The following ROR1 variants were observed in gnomAD, a reference collection of about 807,000 sequenced individuals.
ROR1 encodes the protein inactive tyrosine-protein kinase transmembrane receptor ROR1.
Under a neutral mutation model 78.8 loss-of-function variants are expected in ROR1, and 19 were observed. The observed-to-expected ratio is 0.24, with a 90% CI of 0.17 to 0.35. The LOEUF is 0.35. Among genes scored for constraint, ROR1 ranks in the 10% least tolerant of loss-of-function variants. The pLI is 1.00. For synonymous variants in ROR1, 386 were observed against 433.6 expected (o/e 0.89, Z 1.36); for missense variants, 917 against 1,177.8 (o/e 0.78, Z 3.24).
chr1:63,798,405 C>T (rs1023204933), intron 1 of ROR1, among the ~76,000 whole-genome samples: 1 of 152,098 alleles, frequency 6.6e-6, no homozygotes, highest in African/African-American at 2.4e-5. Context: ...CTGTGAGGAA[C>T]AAGTCAGTGG....
chr1:63,797,897 C>T (rs1462970885), intron 1 of ROR1, among the ~76,000 whole-genome samples: 1 of 148,354 alleles, frequency 6.7e-6, no homozygotes, highest in Non-Finnish European at 1.5e-5. Context: ...TTCAGGATAA[C>T]CTTTGAGAGG....
rs556870255 is a variant in ROR1, at chr1:63,997,056, G to C, written c.92-12249G>C. ...CTAAATACAAGGTACTTGTATTACT[G>C]TAAGGTGCTTGGAATCTTAATAGCT... On this transcript the variant is annotated intron_variant, in intron 1 of 8. Coordinates refer to ENST00000371079, the MANE Select transcript of ROR1 (RefSeq NM_005012.4). Among the ~76,000 whole-genome samples the C allele has an allele frequency of 3.9e-5, 3 of 76,056 alleles. 1 individual carries two copies. The highest frequency in any genetic ancestry group is 6.2e-4 in the South Asian group (1 of 1,620). 49.9% of individuals were successfully genotyped at this position (76,056 alleles called of 152,430 possible).
At chr1:63,894,429 G>T (rs1175186711) in intron 1 of ROR1, among the ~76,000 whole-genome samples, 1 of 148,680 alleles carries the variant, frequency 6.7e-6, no homozygotes, top group Non-Finnish European at 1.5e-5. Flanking sequence ...AAATGCCATT[G>T]CATTGATCTC....
At position 63,999,183 on chromosome 1, in the gene ROR1, G is replaced by T. The variant is rs143230620; in HGVS notation, c.92-10122G>T. On this transcript the variant is annotated intron_variant, in intron 1 of 8. Transcript: ENST00000371079. ...ACTAAAACTGAGGGAGGCATTCTCT[G>T]TTTCCAATAGAAGGCTCCTTTGAGT... Among the ~76,000 whole-genome samples the T allele has an allele frequency of 2.4e-4, 37 of 152,308 alleles. No individual in the cohort carries two copies. In the East Asian group the frequency reaches 6.8e-3, roughly 28 times the overall value.
At chr1:63,884,813 G>T (rs865856802) in intron 1 of ROR1, among the ~76,000 whole-genome samples, 1 of 151,638 alleles carries the variant, frequency 6.6e-6, no homozygotes, top group African/African-American at 2.4e-5. Flanking sequence ...CGGGAAAAGT[G>T]CCTGACTTGT....
intron 1 of ROR1, among the ~76,000 whole-genome samples, chr1:63,832,417 A>C (rs1478398757): frequency 3.3e-5 from 5 of 152,152 alleles, no homozygotes; most frequent in African/African-American, 1.2e-4. Flanking sequence ...ATGGGTGGGG[A>C]GGCCTCAGGA....
At chr1:64,127,513 T>C (rs1475784010) in intron 4 of ROR1, among the ~76,000 whole-genome samples, 2 of 151,920 alleles carry the variant, frequency 1.3e-5, no homozygotes, top group South Asian at 2.1e-4. Context: ...TCTGTCTCTC[T>C]CTCTCTCTGT....
intron 1 of ROR1, among the ~76,000 whole-genome samples, chr1:63,969,031 C>G (rs1190081270): frequency 6.6e-6 from 1 of 152,208 alleles, no homozygotes; most frequent in Non-Finnish European, 1.5e-5. Flanking sequence ...CCTGGATTCT[C>G]TAAGCCTGCA....
chr1:64,002,090 C>A (rs285382), intron 1 of ROR1, among the ~76,000 whole-genome samples: 105,259 of 150,194 alleles, frequency 0.7, 39,339 homozygotes, highest in East Asian at 0.94. Context: ...CCTCTCCCAC[C>A]AGACTGTAAG....
chr1:63,862,128 C>T (rs1645185777), intron 1 of ROR1, among the ~76,000 whole-genome samples: 1 of 152,112 alleles, frequency 6.6e-6, no homozygotes, highest in South Asian at 2.1e-4. Flanking sequence ...TGCAGTGGCT[C>T]ATGCCTGTAA....
intron 4 of ROR1, among the ~76,000 whole-genome samples, chr1:64,052,111 T>A (rs1646837874): frequency 6.6e-6 from 1 of 151,940 alleles, no homozygotes; most frequent in African/African-American, 2.4e-5. Context: ...CTTGCCCAGG[T>A]AGAAAATGCT....
rs150694844 is a variant in ROR1 at position 64,085,111 on chromosome 1, C to G, written c.482+34395C>G. 7.9e-5 allele frequency among the ~76,000 whole-genome samples: 12 copies of G among 152,274 alleles called. No individual in the cohort carries two copies. The East Asian group carries it at 2.3e-3, about 29-fold the overall frequency. ...CATTTTGCTGAAGTTTTACAAACCT[C>G]ATAAAAATTAAGGGTTGGTTTGAAT... On this transcript the variant is annotated intron_variant, in intron 4 of 8. Coordinates refer to ENST00000371079, the MANE Select transcript of ROR1 (RefSeq NM_005012.4).
At chr1:64,051,902 G>A (rs1646836303) in intron 4 of ROR1, among the ~76,000 whole-genome samples, 1 of 152,222 alleles carries the variant, frequency 6.6e-6, no homozygotes, top group East Asian at 1.9e-4. Context: ...TCCCCTCTGT[G>A]CCACTTAATT....
chr1:63,819,614 T>C (rs191854192), intron 1 of ROR1, among the ~76,000 whole-genome samples: 10 of 152,218 alleles, frequency 6.6e-5, no homozygotes, highest in African/African-American at 2.4e-4. Flanking sequence ...ATGGCATAGA[T>C]AGGAATTGCT....
intron 4 of ROR1, among the ~76,000 whole-genome samples, chr1:64,105,148 G>A (rs575290596): frequency 1.6e-4 from 25 of 152,062 alleles, no homozygotes; most frequent in African/African-American, 5.1e-4. Flanking sequence ...TTTAATAATC[G>A]CCATTCTGAC....
intron 2 of ROR1, among the ~76,000 whole-genome samples, chr1:64,038,635 A>G (rs1460934506): frequency 6.6e-6 from 1 of 152,118 alleles, no homozygotes; most frequent in African/African-American, 2.4e-5. Flanking sequence ...AGGGTTCTTT[A>G]CCACCCTGAA....
chr1:63,806,602 C>T (rs1219361052), intron 1 of ROR1, among the ~76,000 whole-genome samples: 1 of 152,208 alleles, frequency 6.6e-6, no homozygotes, highest in Non-Finnish European at 1.5e-5. Flanking sequence ...CAGGCGTGAG[C>T]CACCGCGCCT....
intron 1 of ROR1, among the ~76,000 whole-genome samples, chr1:63,810,288 C>T (rs558727581): frequency 3.9e-5 from 6 of 152,320 alleles, no homozygotes; most frequent in African/African-American, 1.4e-4. Flanking sequence ...TTTTTGGGAA[C>T]ATTCTAAGGC....
At chr1:64,094,183 C>A (rs1223862612) in intron 4 of ROR1, among the ~76,000 whole-genome samples, 1 of 152,100 alleles carries the variant, frequency 6.6e-6, no homozygotes, top group Non-Finnish European at 1.5e-5. Flanking sequence ...ATAGACTGTC[C>A]CTCTCCAAAG....
Sources: gnomAD v4.1 joint callset for allele counts (sites outside exome capture counted in the v4.1 genomes callset) on GRCh38, gnomAD v4.1.1 for gene constraint, MANE v1.5 for transcripts, NCBI Gene and HGNC (gene_info 2026-07-23, HGNC 2026-07-21) for gene names.